Variants in IGSF11 observed in about 807,000 individuals in gnomAD.
IGSF11 encodes immunoglobulin superfamily member 11.
In IGSF11, 22 loss-of-function variants were observed where a neutral mutation model predicts 41.0. That is an observed-to-expected ratio of 0.54 (90% CI 0.38 to 0.77). The LOEUF (loss-of-function observed/expected upper bound fraction) is 0.77, where lower values mean the gene tolerates loss of function less well. Ranked by LOEUF, IGSF11 falls within the 30% of genes least tolerant of loss-of-function variation. IGSF11 has a pLI of 0.00. For synonymous variants in IGSF11, 219 were observed against 201.3 expected, an observed-to-expected ratio of 1.09 and a Z score of -0.74; for missense variants, 444 against 530.8, an observed-to-expected ratio of 0.84 and a Z score of 1.61.
At chr3:119,076,188 T>C (rs2076495780) in intron 1 of IGSF11, among the ~76,000 whole-genome samples, 1 of 152,206 alleles carries the variant, frequency 6.6e-6, no homozygotes, top group African/African-American at 2.4e-5. Context: ...TAAATGGTGC[T>C]GGGAAAACTG....
At chr3:119,064,595 G>A (rs1942164724) in intron 1 of IGSF11, among the ~76,000 whole-genome samples, 1 of 149,676 alleles carries the variant, frequency 6.7e-6, no homozygotes, top group Admixed American at 6.7e-5. Flanking sequence ...ATTTTGACTG[G>A]GGTTGTACTG....
chr3:119,048,004 A>G (rs1039191017), intron 1 of IGSF11, among the ~76,000 whole-genome samples: 22 of 152,138 alleles, frequency 1.4e-4, no homozygotes, highest in Admixed American at 2.6e-4. Flanking sequence ...AGCAGTGTGT[A>G]GAGGGAAATT....
chr3:118,993,899 C>T (rs1166844284), intron 1 of IGSF11, among the ~76,000 whole-genome samples: 1 of 152,166 alleles, frequency 6.6e-6, no homozygotes, highest in Non-Finnish European at 1.5e-5. Context: ...TACAAGTTTT[C>T]TTTCTGGAGA....
intron 1 of IGSF11, among the ~76,000 whole-genome samples, chr3:119,054,574 C>T (rs183512811): frequency 1.7e-4 from 26 of 152,164 alleles, no homozygotes; most frequent in East Asian, 1.4e-3. Context: ...ACATTTATAC[C>T]GCTGGTGGGA....
intron 1 of IGSF11, among the ~76,000 whole-genome samples, chr3:119,086,995 T>C (rs1197798302): frequency 2.6e-5 from 4 of 152,182 alleles, no homozygotes; most frequent in Non-Finnish European, 5.9e-5. Flanking sequence ...CTATCTGTTG[T>C]CTTCAAGAGA....
At position 118,940,357 on chromosome 3, in the gene IGSF11, A is replaced by C. The variant is rs572118517; in HGVS notation, c.53-10082T>G. Among the ~76,000 whole-genome samples, 9 of 152,320 alleles carry C rather than the reference A, an allele frequency of 5.9e-5. No individual in the cohort carries two copies. In the South Asian group the frequency reaches 1.9e-3, roughly 32 times the overall value. ...GTTTCAGAAATCAAGGCTAATATAC[A>C]AATAGCAACGATTTTTCTATACAGT... On this transcript the variant is annotated intron_variant, in intron 1 of 6. Coordinates refer to ENST00000393775, the MANE Select transcript of IGSF11 (RefSeq NM_001015887.3).
At position 118,902,591 on chromosome 3, in the gene IGSF11, C is replaced by T. The variant is rs769083075; in HGVS notation, c.1225G>A (p.Ala409Thr). The T allele has an allele frequency of 2.4e-5, 39 of 1,613,872 alleles. No homozygotes were observed. Among genetic ancestry groups the T allele is most frequent in the Admixed American group, 2.3e-4 (14 of 59,984 alleles). ...PHTHSYTISHATLERIGAVPV... is the reference protein window; with the variant it reads ...PHTHSYTISHTTLERIGAVPV... The stretch of plus-strand genomic sequence containing the variant: ...ACTGCACCAATTCGTTCCAGTGTTG[C>T]GTGGCTGATGGTGTAGGAATGAGTG... The change falls in exon 7 of 7, where the codon GCA (alanine) becomes ACA (threonine). Residue 409 changes from alanine to threonine, a missense_variant. Physicochemically the swap from Ala to Thr is moderately conservative, Grantham distance 58. Coordinates refer to ENST00000393775, the MANE Select transcript of IGSF11 (RefSeq NM_001015887.3).
chr3:118,956,882 G>A (rs1944998283), intron 1 of IGSF11, among the ~76,000 whole-genome samples: 1 of 152,136 alleles, frequency 6.6e-6, no homozygotes. Context: ...CCTTCAATGT[G>A]TGAAAAATGT....
chr3:119,135,821 C>T (rs1455802301), intron 1 of IGSF11, among the ~76,000 whole-genome samples: 1 of 152,122 alleles, frequency 6.6e-6, no homozygotes, highest in Non-Finnish European at 1.5e-5. Flanking sequence ...CCCAAATGTC[C>T]ACCGATAATA....
chr3:118,904,176 T>C (rs1939287995), intron 6 of IGSF11, among the ~76,000 whole-genome samples: 1 of 152,188 alleles, frequency 6.6e-6, no homozygotes, highest in Admixed American at 6.5e-5. Context: ...TCTTTAAAGA[T>C]GATGTTGGCA....
chr3:118,908,655 A>T (rs1939898274), intron 4 of IGSF11, among the ~76,000 whole-genome samples: 1 of 152,210 alleles, frequency 6.6e-6, no homozygotes, highest in African/African-American at 2.4e-5. Context: ...TGGGGAACTC[A>T]AAGGACCTCA....
chr3:119,054,198 C>A (rs1342371094), intron 1 of IGSF11, among the ~76,000 whole-genome samples: 1 of 152,050 alleles, frequency 6.6e-6, no homozygotes, highest in Non-Finnish European at 1.5e-5. Flanking sequence ...TTCTGCACAG[C>A]AAAAGAAATA....
chr3:118,963,096 G>A lies in IGSF11; in HGVS notation c.53-32821C>T, dbSNP rs1238479804. On this transcript the variant is annotated intron_variant, in intron 1 of 6. Transcript: ENST00000393775. ...ATAGTGGAAATCTCTGGGCTCTGGT[G>A]AACTATAGAATGTGGTCCCTGAACC... 2.6e-5 allele frequency among the ~76,000 whole-genome samples: 4 copies of A among 152,238 alleles called. No individual in the cohort carries two copies. In the South Asian group the frequency reaches 8.3e-4, roughly 32 times the overall value.
intron 1 of IGSF11, among the ~76,000 whole-genome samples, chr3:119,040,323 G>T (rs1323273509): frequency 6.6e-6 from 1 of 152,108 alleles, no homozygotes; most frequent in African/African-American, 2.4e-5. Context: ...TGGCTCACTG[G>T]CTTCCCCTCA....
chr3:119,057,904 A>C (rs952615345), intron 1 of IGSF11, among the ~76,000 whole-genome samples: 3 of 152,244 alleles, frequency 2.0e-5, no homozygotes, highest in African/African-American at 7.2e-5. Flanking sequence ...TGGTGCTGGG[A>C]AAACTGGCTA....
chr3:119,016,668 T>C (rs1938721670), intron 1 of IGSF11, among the ~76,000 whole-genome samples: 1 of 152,186 alleles, frequency 6.6e-6, no homozygotes, highest in Non-Finnish European at 1.5e-5. Flanking sequence ...GCTGAAATGA[T>C]AAACGTGGCA....
At chr3:118,920,997 T>C (rs1941723289) in intron 4 of IGSF11, among the ~76,000 whole-genome samples, 1 of 152,146 alleles carries the variant, frequency 6.6e-6, no homozygotes, top group South Asian at 2.1e-4. Flanking sequence ...CCATTCCCTC[T>C]ACCTGGAATG....
chr3:119,121,313 A>G (rs952689826), intron 1 of IGSF11, among the ~76,000 whole-genome samples: 9 of 152,216 alleles, frequency 5.9e-5, no homozygotes, highest in Non-Finnish European at 1.5e-5. Context: ...GTAAAGAGCT[A>G]AAGGAAGCCA....
At chr3:118,989,873 T>G (rs16829203) in intron 1 of IGSF11, among the ~76,000 whole-genome samples, 3,706 of 152,270 alleles carry the variant, frequency 0.024, 82 homozygotes, top group East Asian at 0.066. Context: ...TGAAAAGAAA[T>G]GGCCTTTCGG....
Sources: gnomAD v4.1 joint callset for allele counts (sites outside exome capture counted in the v4.1 genomes callset) on GRCh38, gnomAD v4.1.1 for gene constraint, MANE v1.5 for transcripts, NCBI Gene and HGNC (gene_info 2026-07-23, HGNC 2026-07-21) for gene names.